The following SLFN12L variants were observed in gnomAD, a reference collection of about 807,000 sequenced individuals.
SLFN12L encodes schlafen family member 12 like, also known as schlafen family member 12-like.
In SLFN12L, 34 loss-of-function variants were observed where a neutral mutation model predicts 34.8. The observed-to-expected ratio is 0.98, with a 90% CI of 0.74 to 1.30. The LOEUF (loss-of-function observed/expected upper bound fraction) is 1.30, where lower values mean the gene tolerates loss of function less well. Ranked by LOEUF, SLFN12L falls within the 50% of genes most tolerant of loss-of-function variation. SLFN12L has a pLI of 0.00. For synonymous variants in SLFN12L, 259 were observed against 247.5 expected (o/e 1.05, Z -0.44); for missense variants, 703 against 696.2 (o/e 1.01, Z -0.11).
chr17:35,511,125 A>AT (rs1230993198), intron 2 of SLFN12L, among the ~76,000 whole-genome samples: 1 of 152,184 alleles, frequency 6.6e-6, no homozygotes, highest in Non-Finnish European at 1.5e-5. Flanking sequence ...CTCAATTGTA[A>AT]TTTTTTTCTA....
intron 1 of SLFN12L, among the ~76,000 whole-genome samples, chr17:35,523,419 A>G (rs1567688065): frequency 6.6e-6 from 1 of 152,204 alleles, no homozygotes; most frequent in Non-Finnish European, 1.5e-5. Context: ...TCATTAGCAC[A>G]ATATTTGCGG....
intron 2 of SLFN12L, among the ~76,000 whole-genome samples, chr17:35,518,963 G>A (rs1915920366): frequency 4.6e-5 from 7 of 152,174 alleles, no homozygotes; most frequent in Admixed American, 4.6e-4. Context: ...GCCCATCAAT[G>A]ATAGACTGGA....
chr17:35,484,706 A>C (rs369576529), intron 2 of SLFN12L, among the ~76,000 whole-genome samples: 3 of 152,198 alleles, frequency 2.0e-5, no homozygotes, highest in African/African-American at 7.2e-5. Flanking sequence ...TGCTCTCACT[A>C]TCTGGAGCAG....
At chr17:35,528,271 C>T (rs1412869984) in intron 1 of SLFN12L, among the ~76,000 whole-genome samples, 1 of 152,182 alleles carries the variant, frequency 6.6e-6, no homozygotes, top group African/African-American at 2.4e-5. Context: ...AATGGCCATA[C>T]TGCCCAAAGT....
chr17:35,475,068 T>A lies in SLFN12L; in HGVS notation c.1694A>T (p.Tyr565Phe). The change falls in exon 5 of 5, where the codon TAC becomes TTC. Residue 565 changes from tyrosine to phenylalanine, a missense_variant. By Grantham distance (22) the Tyr-to-Phe change is conservative (BLOSUM62 3). Coordinates refer to ENST00000628453, the MANE Select transcript of SLFN12L (RefSeq NM_001363830.2). ...CATTGTTTGAGCTGTTGTCCAATAG[T>A]AGGATTCAGGGTAAATTACTTGCGA... is the stretch of plus-strand genomic sequence containing the variant. ...LNSQVIYPESYYWTTAQTMKD... is the reference protein window; with the variant it reads ...LNSQVIYPESFYWTTAQTMKD... 1 of 1,613,980 alleles carries A rather than the reference T, an allele frequency of 6.2e-7. No individual in the cohort carries two copies. Among genetic ancestry groups the A allele is most frequent in the East Asian group, 2.2e-5 (1 of 44,882 alleles).
intron 2 of SLFN12L, 59 bp downstream of exon 2, chr17:35,522,220 G>T: frequency 6.3e-7 from 1 of 1,597,652 alleles, no homozygotes. Flanking sequence ...AGGTGACTTA[G>T]CAGAGAAAAT....
Position 35,470,375 on chromosome 17 carries a change from C to T in SLFN12L, c.*4548G>A, listed in dbSNP as rs190662166. The stretch of plus-strand genomic sequence containing the variant: ...CTGGTGATACTGGAGACAATAAATG[C>T]GCCTGTAAGTTCCAGATAACAGGCT... On this transcript the variant is annotated 3_prime_UTR_variant, in exon 5 of 5. Transcript: ENST00000628453. 386 of 157,096 alleles carry T rather than the reference C, an allele frequency of 2.5e-3. 1 individual carries two copies. The highest frequency in any genetic ancestry group is 3.1e-3 in the African/African-American group (131 of 41,596). The allele number at this position is 157,096 out of a possible 1,614,324, so 9.7% of individuals were successfully genotyped here.
chr17:35,510,297 G>T (rs536500950), intron 2 of SLFN12L: 1 of 152,330 alleles, frequency 6.6e-6, no homozygotes, highest in East Asian at 1.9e-4. Flanking sequence ...ACAGGCACTT[G>T]TACATGAATA....
chr17:35,502,079 AAGAG>A (rs1465158593), intron 2 of SLFN12L, among the ~76,000 whole-genome samples: 4 of 152,168 alleles, frequency 2.6e-5, no homozygotes, highest in African/African-American at 7.2e-5. Context: ...CAGAAAGTCA[AAGAG>A]AGAGACAGAG....
At chr17:35,530,453 A>AAAGG (rs2072392715) in intron 1 of SLFN12L, among the ~76,000 whole-genome samples, 1 of 54,222 alleles carries the variant, frequency 1.8e-5, no homozygotes, top group African/African-American at 5.4e-5. Context: ...AGAAAGAAAG[A>AAAGG]AAGAAAGAAA....
intron 2 of SLFN12L, among the ~76,000 whole-genome samples, chr17:35,511,477 T>C (rs148681948): frequency 1.5e-3 from 223 of 152,272 alleles, no homozygotes; most frequent in African/African-American, 5.0e-3. Flanking sequence ...TGTCTGTTAA[T>C]AGAAAAGCAT....
At chr17:35,527,846 T>C (rs780950228) in intron 1 of SLFN12L, among the ~76,000 whole-genome samples, 13 of 152,176 alleles carry the variant, frequency 8.5e-5, no homozygotes, top group Non-Finnish European at 1.3e-4. Context: ...TTGGAAGTTC[T>C]GGCCAGGGAA....
rs777624583 is a variant in SLFN12L, at chr17:35,475,100, A to G, written c.1662T>C (p.Asp554=). 6.2e-7 allele frequency: 1 copy of G among 1,614,048 alleles called. No individual in the cohort carries two copies. The highest frequency in any genetic ancestry group is 2.2e-5 in the East Asian group (1 of 44,898). The change falls in exon 5 of 5, where the codon GAT becomes GAC. Residue 554 remains aspartate (D), a synonymous_variant. Transcript: ENST00000628453. The part of the protein sequence containing the change: ...SPEGKTSCQY[D]LNSQVIYPES... ...CAGGGTAAATTACTTGCGAGTTTAA[A>G]TCATACTGGCAGCTTGTCTTGCCTT... is the stretch of plus-strand genomic sequence containing the variant.
intron 1 of SLFN12L, among the ~76,000 whole-genome samples, chr17:35,536,638 C>A (rs1466120142): frequency 6.6e-6 from 1 of 151,146 alleles, no homozygotes; most frequent in South Asian, 2.1e-4. Flanking sequence ...GAAATCCAGT[C>A]TCTACAAAAT....
chr17:35,486,903 G>C (rs1378078268), intron 2 of SLFN12L, among the ~76,000 whole-genome samples: 1 of 152,144 alleles, frequency 6.6e-6, no homozygotes, highest in African/African-American at 2.4e-5. Context: ...TACCTCCTGG[G>C]GAGCAAAAAG....
chr17:35,521,275 G>C (rs1180146058), intron 2 of SLFN12L, among the ~76,000 whole-genome samples: 1 of 152,106 alleles, frequency 6.6e-6, no homozygotes. Flanking sequence ...GAGAAAACTG[G>C]GAAATCCAGA....
chr17:35,487,408 G>A (rs1914625146), intron 2 of SLFN12L, among the ~76,000 whole-genome samples: 2 of 152,226 alleles, frequency 1.3e-5, no homozygotes, highest in South Asian at 4.1e-4. Context: ...GCAGCCTCGG[G>A]TCTCCCCGAG....
intron 1 of SLFN12L, among the ~76,000 whole-genome samples, chr17:35,524,874 C>T (rs751648773): frequency 2.6e-5 from 4 of 151,838 alleles, no homozygotes; most frequent in Non-Finnish European, 5.9e-5. Context: ...AATTGACAGA[C>T]GTAGGCTTCA....
At chr17:35,512,009 T>C (rs1206316628) in intron 2 of SLFN12L, among the ~76,000 whole-genome samples, 1 of 152,216 alleles carries the variant, frequency 6.6e-6, no homozygotes. Flanking sequence ...TTGTTATGTT[T>C]TGTTTTGTTT....
Sources: gnomAD v4.1 joint callset for allele counts (sites outside exome capture counted in the v4.1 genomes callset) on GRCh38, gnomAD v4.1.1 for gene constraint, MANE v1.5 for transcripts, NCBI Gene and HGNC (gene_info 2026-07-23, HGNC 2026-07-21) for gene names.